The following GRIN1 variants were observed in gnomAD, a reference collection of about 807,000 sequenced individuals.
GRIN1 encodes glutamate receptor ionotropic, NMDA 1.
A neutral mutation model predicts 103.0 loss-of-function variants in GRIN1; 38 were observed. That is an observed-to-expected ratio of 0.37 (90% CI 0.28 to 0.48). GRIN1 has a LOEUF of 0.48. GRIN1 is among the 20% of genes least tolerant of loss of function. The pLI is 0.98. For missense variants in GRIN1, 577 were observed against 1,288.9 expected (o/e 0.45, Z 8.46); for synonymous variants, 544 against 532.7 (o/e 1.02, Z -0.29).
At chr9:137,151,007 T>C (rs1389340271) in intron 4 of GRIN1, among the ~76,000 whole-genome samples, 12 of 46,264 alleles carry the variant, frequency 2.6e-4, no homozygotes, top group East Asian at 7.2e-4. Flanking sequence ...GGGAAAACTC[T>C]GCCCAGATAA....
At chr9:137,166,850 G>C (rs1371308817) in intron 19 of GRIN1, among the ~76,000 whole-genome samples, 1 of 152,244 alleles carries the variant, frequency 6.6e-6, no homozygotes, top group Non-Finnish European at 1.5e-5. Flanking sequence ...CGTGGGCTGG[G>C]CAGGCTGGGG....
At chr9:137,164,175 C>T (rs1398383309) in intron 18 of GRIN1, 4 of 522,916 alleles carry the variant, frequency 7.6e-6, no homozygotes, top group South Asian at 2.0e-5. Flanking sequence ...TCTCCAGAGT[C>T]GCCCGCCGGT....
rs1382092738 is a variant in GRIN1 at position 137,146,202 on chromosome 9, C to T, written c.570+300C>T. On this transcript the variant is annotated intron_variant, in intron 3 of 19. Coordinates refer to ENST00000371561, the MANE Select transcript of GRIN1 (RefSeq NM_007327.4). This position sits in a 1 kb window ranked among gnomAD's most constrained non-coding sequence, Gnocchi z 6.7. ...CCCCTCCTCCTGCCCATGCCCCTCGCTCCCTGGAGGCCCCAGCCGGGCTTG... is the reference window on the plus strand; with the variant it reads ...CCCCTCCTCCTGCCCATGCCCCTCGTTCCCTGGAGGCCCCAGCCGGGCTTG... Among the ~76,000 whole-genome samples, 1 of 152,130 alleles carries T rather than the reference C, an allele frequency of 6.6e-6. No individual in the cohort carries two copies. The highest frequency in any genetic ancestry group is 1.5e-5 in the Non-Finnish European group (1 of 68,016).
chr9:137,143,170 C>A (rs895124739), intron 2 of GRIN1, among the ~76,000 whole-genome samples: 1 of 152,234 alleles, frequency 6.6e-6, no homozygotes, highest in African/African-American at 2.4e-5. Context: ...CTTCTGGGTC[C>A]CCCACCTTCT....
At chr9:137,166,018 C>T (rs1833859586) in intron 19 of GRIN1, among the ~76,000 whole-genome samples, 1 of 152,184 alleles carries the variant, frequency 6.6e-6, no homozygotes, top group Non-Finnish European at 1.5e-5. Context: ...GCTCCCACCC[C>T]AGGCTGAGCG....
At chr9:137,163,510 C>G (rs200532441) in intron 16 of GRIN1, 49 bp from the exon 17 acceptor site, 2 of 1,178,618 alleles carry the variant, frequency 1.7e-6, no homozygotes, top group Non-Finnish European at 1.3e-6. Context: ...CTTGCTCCTT[C>G]CCGTCCTGGG....
chr9:137,141,643 G>A (rs72763273), intron 1 of GRIN1, among the ~76,000 whole-genome samples: 12,149 of 152,154 alleles, frequency 0.08, 681 homozygotes, highest in East Asian at 0.19. Context: ...AGGAAGGACG[G>A]GTGGGTTCTG....
intron 19 of GRIN1, among the ~76,000 whole-genome samples, chr9:137,166,246 C>T (rs763068737): frequency 4.3e-4 from 65 of 152,328 alleles, no homozygotes; most frequent in Non-Finnish European, 7.9e-4. Context: ...CCAGAATCCC[C>T]CACCTCCTGC....
intron 4 of GRIN1, among the ~76,000 whole-genome samples, chr9:137,150,947 A>G (rs1157035704): frequency 7.4e-6 from 1 of 134,312 alleles, no homozygotes; most frequent in Admixed American, 7.6e-5. Flanking sequence ...AGCCCCACCC[A>G]GAAAAAGACC....
intron 18 of GRIN1, chr9:137,164,290 G>C (rs1833740766): frequency 2.9e-6 from 1 of 340,270 alleles, no homozygotes. Flanking sequence ...CAAGCCCCTT[G>C]ACACCCTTCG....
At position 137,156,694 on chromosome 9, in the gene GRIN1, C is replaced by G; in HGVS notation, c.697C>G (p.Arg233Gly). Residue 233 changes from arginine to glycine, a missense_variant, in exon 5 of 20, where the codon CGC becomes GGC. By Grantham distance (125) the Arg-to-Gly change is moderately radical. Transcript: ENST00000371561. ...ASEDDAATVYRAAAMLNMTGS... is the reference protein window; with the variant it reads ...ASEDDAATVYGAAAMLNMTGS... ...CGAGGACGATGCTGCCACTGTATAC[C>G]GCGCAGCCGCGATGCTGAACATGAC... The G allele has an allele frequency of 6.3e-7, 1 of 1,597,038 alleles. No individual in the cohort carries two copies. Among genetic ancestry groups the G allele is most frequent in the Non-Finnish European group, 8.5e-7 (1 of 1,172,954 alleles).
intron 3 of GRIN1, 57 bp from the exon 4 acceptor site, chr9:137,148,952 C>A: frequency 1.0e-5 from 13 of 1,282,048 alleles, no homozygotes; most frequent in Non-Finnish European, 1.5e-5. Context: ...ACTCTCACCC[C>A]TGAGGCGCTA....
chr9:137,166,932 G>A (rs1337361440), intron 19 of GRIN1, among the ~76,000 whole-genome samples: 1 of 152,220 alleles, frequency 6.6e-6, no homozygotes, highest in Non-Finnish European at 1.5e-5. Flanking sequence ...AAGCACAAAT[G>A]TCGTGCAGGT....
chr9:137,148,125 AT>A, intron 3 of GRIN1: 1 of 1,434,220 alleles, frequency 7.0e-7, no homozygotes, highest in Non-Finnish European at 9.6e-7. Context: ...GTGTCTGCAT[AT>A]TTTCTCTGTG....
At chr9:137,140,921 G>A (rs1209015972) in intron 1 of GRIN1, among the ~76,000 whole-genome samples, 3 of 152,144 alleles carry the variant, frequency 2.0e-5, no homozygotes, top group East Asian at 1.9e-4. Context: ...AGCCACCCCC[G>A]TGCCCCAGCC....
At chr9:137,161,645 T>TCGGCGTGGGTGGGGCA (rs1564362401) in intron 10 of GRIN1, among the ~76,000 whole-genome samples, 1 of 55,502 alleles carries the variant, frequency 1.8e-5, no homozygotes, top group Non-Finnish European at 3.2e-5. Context: ...GACGTGGGGG[T>TCGGCGTGGGTGGGGCA]CGGAGTGGGT....
At chr9:137,151,034 A>T (rs575072032) in intron 4 of GRIN1, among the ~76,000 whole-genome samples, 82 of 148,168 alleles carry the variant, frequency 5.5e-4, no homozygotes, top group Non-Finnish European at 9.7e-4. Context: ...CGCCCAGGGA[A>T]AGCCCCGCCC....
rs111858954 is a variant in GRIN1, at chr9:137,146,423, G to C, written c.570+521G>C. Among the ~76,000 whole-genome samples the C allele has an allele frequency of 1.8e-4, 27 of 152,002 alleles. No homozygotes were observed. The highest frequency in any genetic ancestry group is 6.5e-4 in the African/African-American group (27 of 41,438). Reference sequence around the variant, plus strand: ...ATGGCTCAGCAAAGCCCTGTCCACAGACACCTGCCCCCCAGCCTGGACCGC... The same window carrying C: ...ATGGCTCAGCAAAGCCCTGTCCACACACACCTGCCCCCCAGCCTGGACCGC... On this transcript the variant is annotated intron_variant, in intron 3 of 19. Transcript: ENST00000371561. This position sits in a 1 kb window ranked among gnomAD's most constrained non-coding sequence, Gnocchi z 6.7.
rs1313409068 is a variant in GRIN1 at position 137,157,055 on chromosome 9, G to C, written c.968+18G>C. On this transcript the variant is annotated intron_variant, in intron 6 of 19. Transcript: ENST00000371561. ...TTCAAGAGGTGGGCGGGGCCTCCCCGGAGCTGGGCGGGGCTGCTCTTGGGG... is the reference window on the plus strand; with the variant it reads ...TTCAAGAGGTGGGCGGGGCCTCCCCCGAGCTGGGCGGGGCTGCTCTTGGGG... 6.3e-7 allele frequency: 1 copy of C among 1,598,254 alleles called. No homozygotes were observed. Among genetic ancestry groups the C allele is most frequent in the Non-Finnish European group, 8.5e-7 (1 of 1,172,122 alleles).
Sources: gnomAD v4.1 joint callset for allele counts (sites outside exome capture counted in the v4.1 genomes callset) on GRCh38, gnomAD v4.1.1 for gene constraint, Gnocchi (gnomAD v3.1) non-coding constraint, MANE v1.5 for transcripts, NCBI Gene and HGNC (gene_info 2026-07-23, HGNC 2026-07-21) for gene names.